DLC1: variants seen among roughly 807,000 people sequenced by gnomAD.
The protein encoded by DLC1 is rho GTPase-activating protein 7.
A neutral mutation model predicts 140.3 loss-of-function variants in DLC1; 54 were observed. The ratio of observed to expected loss-of-function variants is 0.38; its 90% CI spans 0.31 to 0.48. The LOEUF is 0.48. Ranked by LOEUF, DLC1 falls within the 20% of genes least tolerant of loss-of-function variation. DLC1 has a pLI of 0.96. For synonymous variants in DLC1, 986 were observed against 728.1 expected (o/e 1.35, Z -5.70); for missense variants, 2,536 against 1,907.0 (o/e 1.33, Z -6.14).
At chr8:13,205,379 C>G (rs751375812) in intron 5 of DLC1, among the ~76,000 whole-genome samples, 2 of 152,126 alleles carry the variant, frequency 1.3e-5, no homozygotes, top group African/African-American at 4.8e-5. Flanking sequence ...AATGCTGATT[C>G]CTACTTCATT....
chr8:13,181,511 G>A (rs145605170), intron 5 of DLC1, among the ~76,000 whole-genome samples: 4,803 of 110,778 alleles, frequency 0.043, 97 homozygotes, highest in Admixed American at 0.054. Flanking sequence ...GTCCGGTCCC[G>A]GTGTGTGATG....
intron 4 of DLC1, among the ~76,000 whole-genome samples, chr8:13,380,691 T>C (rs1180228954): frequency 2.6e-5 from 4 of 152,202 alleles, no homozygotes; most frequent in Non-Finnish European, 4.4e-5. Flanking sequence ...TAATCACAGC[T>C]CAGGACACAG....
chr8:13,191,448 A>T (rs530096595), intron 5 of DLC1, among the ~76,000 whole-genome samples: 1 of 152,320 alleles, frequency 6.6e-6, no homozygotes, highest in South Asian at 2.1e-4. Flanking sequence ...TGAGGTTGCA[A>T]TGAGCTGAGA....
chr8:13,280,969 A>T (rs1017574861), intron 5 of DLC1, among the ~76,000 whole-genome samples: 1 of 152,188 alleles, frequency 6.6e-6, no homozygotes, highest in Non-Finnish European at 1.5e-5. Flanking sequence ...CCAGCATAAT[A>T]TATCTCCCTA....
chr8:13,567,424 A>T, intron 1 of DLC1: 2 of 1,551,928 alleles, frequency 1.3e-6, no homozygotes, highest in Non-Finnish European at 1.7e-6. Flanking sequence ...GAAGACGAGC[A>T]GCAGACATAA....
intron 5 of DLC1, among the ~76,000 whole-genome samples, chr8:13,244,273 A>G (rs565479294): frequency 1.3e-5 from 2 of 149,630 alleles, no homozygotes; most frequent in South Asian, 2.1e-4. Flanking sequence ...GATATTCAAG[A>G]TTTTTCATGA....
At chr8:13,189,662 C>T (rs1273727947) in intron 5 of DLC1, among the ~76,000 whole-genome samples, 5 of 152,244 alleles carry the variant, frequency 3.3e-5, no homozygotes, top group Admixed American at 6.5e-5. Context: ...GCAGGTGGGT[C>T]ACCTGAGGTT....
intron 4 of DLC1, among the ~76,000 whole-genome samples, chr8:13,352,380 G>T (rs927069894): frequency 6.6e-6 from 1 of 152,004 alleles, no homozygotes; most frequent in African/African-American, 2.4e-5. Context: ...TTTTTTACGA[G>T]ATGGGGTCTT....
intron 4 of DLC1, among the ~76,000 whole-genome samples, chr8:13,380,669 T>C (rs751790448): frequency 1.3e-5 from 2 of 152,214 alleles, no homozygotes; most frequent in Non-Finnish European, 2.9e-5. Context: ...TGAAATGTGC[T>C]CCTGGTATTC....
intron 2 of DLC1, among the ~76,000 whole-genome samples, chr8:13,461,314 C>T (rs192866724): frequency 5.6e-4 from 86 of 152,336 alleles, no homozygotes; most frequent in African/African-American, 1.3e-3. Context: ...GGAGATTTCT[C>T]CATTTCTTTA....
chr8:13,301,444 C>A (rs1242810926), intron 5 of DLC1, among the ~76,000 whole-genome samples: 1 of 152,166 alleles, frequency 6.6e-6, no homozygotes, highest in Non-Finnish European at 1.5e-5. Context: ...GTCCTGTAAG[C>A]ACCAACCAAT....
At chr8:13,100,926 A>AGC in intron 8 of DLC1, 156 bp from the exon 9 acceptor site, 1 of 553,138 alleles carries the variant, frequency 1.8e-6, no homozygotes, top group Non-Finnish European at 2.7e-6. Flanking sequence ...TTTTTTTTAA[A>AGC]AATAGGGTCT....
chr8:13,379,430 C>G (rs1278374801), intron 4 of DLC1, among the ~76,000 whole-genome samples: 120 of 152,278 alleles, frequency 7.9e-4, no homozygotes, highest in Admixed American at 7.8e-3. Flanking sequence ...CCTAGCCTGT[C>G]TTAAATGTGC....
intron 8 of DLC1, 70 bp downstream of exon 8, chr8:13,102,720 C>A: frequency 7.3e-7 from 1 of 1,376,994 alleles, no homozygotes; most frequent in Non-Finnish European, 1.0e-6. Flanking sequence ...AAACCTATTA[C>A]AAAACACATC....
intron 5 of DLC1, among the ~76,000 whole-genome samples, chr8:13,218,525 T>G (rs916976615): frequency 6.6e-6 from 1 of 151,880 alleles, no homozygotes; most frequent in African/African-American, 2.4e-5. Flanking sequence ...GAAAAGATGC[T>G]CAGGGTTACT....
intron 1 of DLC1, among the ~76,000 whole-genome samples, chr8:13,603,215 G>A (rs542916374): frequency 2.6e-5 from 4 of 151,662 alleles, no homozygotes; most frequent in South Asian, 4.2e-4. Flanking sequence ...TTCTAACATC[G>A]TGATGTTAGA....
chr8:13,561,122 C>CT (rs10635763), intron 1 of DLC1, among the ~76,000 whole-genome samples: 42,756 of 145,988 alleles, frequency 0.29, 6,337 homozygotes, highest in East Asian at 0.48. Flanking sequence ...AGTGTTTTTC[C>CT]TTTTTTTTTT....
chr8:13,453,416 A>G (rs1420830006), intron 2 of DLC1, among the ~76,000 whole-genome samples: 1 of 51,242 alleles, frequency 2.0e-5, no homozygotes, highest in Non-Finnish European at 3.1e-5. Context: ...ATATATATAT[A>G]TATATATGTG....
chr8:13,124,370 G>A (rs1016958238), intron 5 of DLC1, among the ~76,000 whole-genome samples: 5 of 152,220 alleles, frequency 3.3e-5, no homozygotes, highest in African/African-American at 1.2e-4. Context: ...AATGAAGTAA[G>A]AGGTAAGCTG....
Sources: allele counts gnomAD v4.1 joint callset (sites outside exome capture counted in the v4.1 genomes callset), GRCh38; gene constraint gnomAD v4.1.1; transcripts MANE v1.5; gene names NCBI Gene and HGNC (gene_info 2026-07-23, HGNC 2026-07-21).